Variants in SHROOM4 observed in about 807,000 individuals in gnomAD.
SHROOM4 encodes the protein shroom family member 4.
Under a neutral mutation model 80.3 loss-of-function variants are expected in SHROOM4, and 17 were observed. The ratio of observed to expected loss-of-function variants is 0.21; its 90% CI spans 0.14 to 0.32. The LOEUF (loss-of-function observed/expected upper bound fraction) is 0.32, where lower values mean the gene tolerates loss of function less well. Among genes scored for constraint, SHROOM4 ranks in the 10% least tolerant of loss-of-function variants. The pLI is 1.00. For missense variants in SHROOM4, 993 were observed against 1,140.3 expected, an observed-to-expected ratio of 0.87 and a Z score of 1.86; for synonymous variants, 400 against 437.5, an observed-to-expected ratio of 0.91 and a Z score of 1.07.
At position 50,607,698 on chromosome X, in the gene SHROOM4, C is replaced by CTCCTCT. The variant is rs782254190; in HGVS notation, c.3438_3443dup (p.Glu1150_Glu1151dup). 3 of 1,188,601 alleles carry CTCCTCT rather than the reference C, an allele frequency of 2.5e-6. No individual in the cohort carries two copies. The highest frequency in any genetic ancestry group is 3.4e-6 in the Non-Finnish European group (3 of 880,788). ...CTTCCTCCTCCTCTGCCTCCTCCTCCTCCTCTTCCTCTTCCTCTTCTTCTT... is the reference window on the plus strand; with the variant it reads ...CTTCCTCCTCCTCTGCCTCCTCCTCCTCCTCTTCCTCTTCCTCTTCCTCTTCTTCTT... On this transcript the variant is annotated inframe_insertion, in exon 6 of 9. Coordinates refer to ENST00000376020, the MANE Select transcript of SHROOM4 (RefSeq NM_020717.5).
rs1379739160 is a variant in SHROOM4, at chrX:50,607,642, T to A, written c.3500A>T (p.Glu1167Val). The A allele has an allele frequency of 2.5e-6, 3 of 1,207,551 alleles. No homozygotes were observed. The highest frequency in any genetic ancestry group is 3.4e-6 in the Non-Finnish European group (3 of 894,109). ...ATTGAGAGCACAGGAACCAGAGGTT[T>A]CTGAACTGAAATACTGGGGTGGCAG... ...EELPPQYFSS[E>V]TSGSCALNPE... The change falls in exon 6 of 9, where the codon GAA becomes GTA. Residue 1167 changes from glutamate to valine, a missense_variant. Transcript: ENST00000376020.
chrX:50,616,375 T>C (rs1557250807), intron 5 of SHROOM4, among the ~76,000 whole-genome samples: 1 of 111,904 alleles, frequency 8.9e-6, no homozygotes, highest in Non-Finnish European at 1.9e-5. Flanking sequence ...TGGTCATTTA[T>C]TTTTTAGTCT....
chrX:50,763,854 G>T (rs782021808), intron 1 of SHROOM4, among the ~76,000 whole-genome samples: 1 of 111,156 alleles, frequency 9.0e-6, no homozygotes, highest in Non-Finnish European at 1.9e-5. Flanking sequence ...TCAATGCAGT[G>T]TAGCACATGT....
intron 2 of SHROOM4, among the ~76,000 whole-genome samples, chrX:50,681,838 G>A (rs1932945603): frequency 8.9e-6 from 1 of 111,839 alleles, no homozygotes; most frequent in African/African-American, 3.3e-5. Flanking sequence ...ATATTTGTTA[G>A]ATGAATGAAT....
intron 2 of SHROOM4, among the ~76,000 whole-genome samples, chrX:50,653,702 T>C (rs1250834274): frequency 2.7e-5 from 3 of 111,800 alleles, no homozygotes; most frequent in Non-Finnish European, 5.6e-5. Flanking sequence ...GGCTGTGGGT[T>C]TGTCATATAT....
Position 50,608,019 on chromosome X carries a change from C to T in SHROOM4, c.3123G>A (p.Glu1041=), listed in dbSNP as rs782163089. The change falls in exon 6 of 9, where the codon GAG becomes GAA. Residue 1041 remains glutamate, a synonymous_variant. Transcript: ENST00000376020. ...GCATGGAGGCAAGGGAGCTCCCCTCCTCATAAACTGAAGTTTCCTCTGATT... is the reference window on the plus strand; with the variant it reads ...GCATGGAGGCAAGGGAGCTCCCCTCTTCATAAACTGAAGTTTCCTCTGATT... ...LKKSEETSVY[E]EGSSLASMPH... is the part of the protein sequence containing the mutation. The T allele has an allele frequency of 9.1e-6, 11 of 1,211,846 alleles. No homozygotes were observed. Among genetic ancestry groups the T allele is most frequent in the Admixed American group, 8.7e-5 (4 of 46,030 alleles).
intron 2 of SHROOM4, among the ~76,000 whole-genome samples, chrX:50,684,414 G>A (rs782025074): frequency 1.8e-5 from 2 of 111,647 alleles, no homozygotes; most frequent in African/African-American, 6.5e-5. Context: ...TGGCCCTACC[G>A]ACACTTGGAT....
intron 1 of SHROOM4, among the ~76,000 whole-genome samples, chrX:50,757,722 C>T (rs1489573382): frequency 5.5e-5 from 6 of 109,460 alleles, no homozygotes; most frequent in African/African-American, 1.0e-4. Context: ...ACTCGGGAGG[C>T]TGAGGCAAGA....
At chrX:50,692,521 G>C (rs782383356) in intron 2 of SHROOM4, among the ~76,000 whole-genome samples, 2 of 111,480 alleles carry the variant, frequency 1.8e-5, no homozygotes, top group East Asian at 5.6e-4. Context: ...TCACAATAAT[G>C]CCATTATATA....
At chrX:50,678,846 G>A (rs1557261551) in intron 2 of SHROOM4, among the ~76,000 whole-genome samples, 1 of 110,142 alleles carries the variant, frequency 9.1e-6, no homozygotes, top group African/African-American at 3.3e-5. Flanking sequence ...AGATAAATAG[G>A]TCCCTCTCCC....
At chrX:50,652,363 A>G (rs934629136) in intron 2 of SHROOM4, among the ~76,000 whole-genome samples, 2 of 112,001 alleles carry the variant, frequency 1.8e-5, no homozygotes, top group East Asian at 2.8e-4. Context: ...ATGTTTGGCC[A>G]CATAAATGTC....
chrX:50,709,126 C>T (rs186756419), intron 1 of SHROOM4, among the ~76,000 whole-genome samples: 15 of 111,261 alleles, frequency 1.3e-4, no homozygotes, highest in African/African-American at 4.9e-4. Flanking sequence ...TTATTTGCAA[C>T]ATTCCGGGAT....
intron 1 of SHROOM4, among the ~76,000 whole-genome samples, chrX:50,769,121 T>A (rs1557269518): frequency 1.0e-5 from 1 of 97,594 alleles, no homozygotes; most frequent in Non-Finnish European, 2.0e-5. Context: ...TTCTCCCAGC[T>A]CCAAAACAAA....
intron 5 of SHROOM4, among the ~76,000 whole-genome samples, chrX:50,617,247 G>C (rs1557250922): frequency 8.9e-6 from 1 of 112,307 alleles, no homozygotes; most frequent in African/African-American, 3.2e-5. Flanking sequence ...CAGTCATAAG[G>C]ATGAACTATG....
At chrX:50,754,948 C>A (rs2147611337) in intron 1 of SHROOM4, among the ~76,000 whole-genome samples, 1 of 112,371 alleles carries the variant, frequency 8.9e-6, no homozygotes, top group South Asian at 3.7e-4. Flanking sequence ...TGACTTCAGG[C>A]AGATCATTTT....
intron 1 of SHROOM4, among the ~76,000 whole-genome samples, chrX:50,793,101 A>G (rs1335929252): frequency 9.1e-6 from 1 of 109,933 alleles, no homozygotes. Flanking sequence ...GACACAATGA[A>G]ATATCATTCC....
chrX:50,742,703 C>T (rs1934690645), intron 1 of SHROOM4, among the ~76,000 whole-genome samples: 1 of 105,762 alleles, frequency 9.5e-6, no homozygotes, highest in Non-Finnish European at 1.9e-5. Context: ...AAGGAACACA[C>T]TACCAACATG....
intron 1 of SHROOM4, among the ~76,000 whole-genome samples, chrX:50,776,407 G>A (rs190783472): frequency 1.1e-4 from 12 of 111,469 alleles, no homozygotes; most frequent in Non-Finnish European, 2.3e-4. Context: ...AGCACCAAAT[G>A]CTTAGTGGCT....
At chrX:50,675,702 T>C (rs925688437) in intron 2 of SHROOM4, among the ~76,000 whole-genome samples, 1 of 111,252 alleles carries the variant, frequency 9.0e-6, no homozygotes, top group Admixed American at 9.6e-5. Flanking sequence ...GATGCTATAG[T>C]AGTAAATTAT....
Sources: gnomAD v4.1 joint callset for allele counts (sites outside exome capture counted in the v4.1 genomes callset) on GRCh38, gnomAD v4.1.1 for gene constraint, MANE v1.5 for transcripts, NCBI Gene and HGNC (gene_info 2026-07-23, HGNC 2026-07-21) for gene names.